CDH18: variants seen among roughly 807,000 people sequenced by gnomAD.
CDH18 encodes cadherin-18.
CDH18 carries 31 observed loss-of-function variants against 67.9 expected under a neutral mutation model. That is an observed-to-expected ratio of 0.46 (90% CI 0.34 to 0.62). The LOEUF is 0.62. Among genes scored for constraint, CDH18 ranks in the 20% least tolerant of loss-of-function variants. The pLI is 0.01. For synonymous variants in CDH18, 362 were observed against 347.2 expected (o/e 1.04, Z -0.48); for missense variants, 890 against 975.5 (o/e 0.91, Z 1.17).
At chr5:20,439,674 A>T (rs1184422400) in intron 1 of CDH18, among the ~76,000 whole-genome samples, 1 of 151,708 alleles carries the variant, frequency 6.6e-6, no homozygotes, top group African/African-American at 2.4e-5. Context: ...GCCCAATCGA[A>T]ACACTGTTAA....
intron 1 of CDH18, among the ~76,000 whole-genome samples, chr5:20,267,039 A>G (rs1026218202): frequency 3.9e-5 from 6 of 152,174 alleles, no homozygotes; most frequent in African/African-American, 1.4e-4. Context: ...AAGATCAGAT[A>G]TAGATTTGGA....
chr5:20,531,533 A>T (rs1468258802), intron 1 of CDH18, among the ~76,000 whole-genome samples: 1 of 152,108 alleles, frequency 6.6e-6, no homozygotes, highest in Non-Finnish European at 1.5e-5. Context: ...CATGATACAT[A>T]TACACCATGG....
chr5:20,451,020 A>G (rs1189392192), intron 1 of CDH18, among the ~76,000 whole-genome samples: 4 of 152,156 alleles, frequency 2.6e-5, no homozygotes, highest in Non-Finnish European at 5.9e-5. Context: ...CTGCCCTATA[A>G]TTCAATTACC....
intron 9 of CDH18, among the ~76,000 whole-genome samples, chr5:19,523,682 T>C (rs1747291379): frequency 6.6e-6 from 1 of 152,126 alleles, no homozygotes; most frequent in Admixed American, 6.6e-5. Flanking sequence ...TTTCTCCAAA[T>C]GCTGGATTGA....
intron 1 of CDH18, among the ~76,000 whole-genome samples, chr5:20,498,106 T>G (rs570369024): frequency 2.4e-4 from 37 of 152,260 alleles, no homozygotes; most frequent in African/African-American, 8.9e-4. Flanking sequence ...AAAAATATTT[T>G]TTGGTTGTTT....
chr5:19,483,655 C>T (rs560172104), intron 11 of CDH18, 103 bp from the exon 12 acceptor site: 3 of 1,254,244 alleles, frequency 2.4e-6, no homozygotes, highest in Non-Finnish European at 3.3e-6. Context: ...TTTCTTGTTT[C>T]AGTTTATGAA....
At position 20,451,614 on chromosome 5, in the gene CDH18, G is replaced by C. The variant is rs565422108; in HGVS notation, c.-580+123848C>G. On this transcript the variant is annotated intron_variant, in intron 1 of 14. Transcript: ENST00000507958. The stretch of plus-strand genomic sequence containing the variant: ...AAGGAATAGTGATTTCCCTCATTAA[G>C]TGTTGGCAAGAATATGGTCTAAAAA... 5.3e-5 allele frequency among the ~76,000 whole-genome samples: 8 copies of C among 152,254 alleles called. No homozygotes were observed. In the South Asian group the frequency reaches 1.5e-3, roughly 28 times the overall value.
intron 6 of CDH18, among the ~76,000 whole-genome samples, chr5:19,609,842 C>A (rs2150100280): frequency 6.6e-6 from 1 of 152,044 alleles, no homozygotes; most frequent in South Asian, 2.1e-4. Flanking sequence ...AGGATATGAA[C>A]TTTATAGAAT....
intron 1 of CDH18, among the ~76,000 whole-genome samples, chr5:20,412,584 T>G (rs953417006): frequency 1.3e-5 from 2 of 152,196 alleles, no homozygotes; most frequent in Admixed American, 6.5e-5. Context: ...AAGAAATATT[T>G]GATAACTATG....
chr5:19,986,410 T>C (rs1184770054), intron 1 of CDH18, among the ~76,000 whole-genome samples: 1 of 152,232 alleles, frequency 6.6e-6, no homozygotes, highest in Non-Finnish European at 1.5e-5. Flanking sequence ...TTCTGTTGCA[T>C]GTATAATAGC....
chr5:19,637,126 TTCTTTC>T (rs1055180682), intron 5 of CDH18, among the ~76,000 whole-genome samples: 1 of 151,900 alleles, frequency 6.6e-6, no homozygotes, highest in African/African-American at 2.4e-5. Context: ...GTTTTCCTTT[TTCTTTC>T]TCTTTCTTTC....
chr5:19,758,466 G>A (rs185092482), intron 3 of CDH18, among the ~76,000 whole-genome samples: 13 of 152,324 alleles, frequency 8.5e-5, no homozygotes, highest in East Asian at 1.9e-4. Flanking sequence ...CTCAAGCACC[G>A]TTGGATCTAC....
chr5:19,547,855 AAC>A (rs1433427409), intron 8 of CDH18, among the ~76,000 whole-genome samples: 1 of 152,188 alleles, frequency 6.6e-6, no homozygotes, highest in Non-Finnish European at 1.5e-5. Context: ...ACTCAAGTAG[AAC>A]TAAATAGTTC....
intron 2 of CDH18, among the ~76,000 whole-genome samples, chr5:19,925,035 T>A (rs1406932172): frequency 6.6e-6 from 1 of 152,200 alleles, no homozygotes; most frequent in African/African-American, 2.4e-5. Context: ...ACCAGTAGCA[T>A]AAACAGTCAG....
At chr5:19,595,137 A>G (rs80176831) in intron 6 of CDH18, among the ~76,000 whole-genome samples, 32 of 152,328 alleles carry the variant, frequency 2.1e-4, no homozygotes, top group South Asian at 1.0e-3. Flanking sequence ...ATCTATACAC[A>G]CTAATAAAAA....
intron 2 of CDH18, among the ~76,000 whole-genome samples, chr5:20,092,064 C>A (rs565776825): frequency 6.6e-6 from 1 of 152,206 alleles, no homozygotes; most frequent in African/African-American, 2.4e-5. Context: ...CACGGGATTT[C>A]ATTAAGGTAA....
At chr5:20,324,376 A>T (rs192526236) in intron 1 of CDH18, among the ~76,000 whole-genome samples, 1,715 of 152,088 alleles carry the variant, frequency 0.011, 37 homozygotes, top group African/African-American at 0.038. Context: ...CGTCTCTATT[A>T]AAAAATACAA....
chr5:20,429,991 TTTC>T (rs1580981603), intron 1 of CDH18, among the ~76,000 whole-genome samples: 1 of 152,194 alleles, frequency 6.6e-6, no homozygotes, highest in East Asian at 1.9e-4. Flanking sequence ...TTTCATATAA[TTTC>T]TTCATTTCCC....
In CDH18 at chr5:19,543,967, A is replaced by G; in HGVS notation, c.1292T>C (p.Phe431Ser). 1 of 1,595,160 alleles carries G rather than the reference A, an allele frequency of 6.3e-7. No individual in the cohort carries two copies. The highest frequency in any genetic ancestry group is 8.6e-7 in the Non-Finnish European group (1 of 1,166,624). ...GGTCCCAGTATTGGCATCAATGTTG[A>G]AAAATCTGTCGTCTTCAACATTGTA... ...INYNVEDDRF[F>S]NIDANTGTIR... Residue 431 changes from phenylalanine to serine, a missense_variant, in exon 9 of 13, where the codon TTC (phenylalanine) becomes TCC (serine). This residue lies in a region of CDH18 where 656 missense variants were observed against 668.1 expected (regional missense o/e 0.98). Transcript: ENST00000382275.
Sources: allele counts gnomAD v4.1 joint callset (sites outside exome capture counted in the v4.1 genomes callset), GRCh38; gene constraint gnomAD v4.1.1; regional missense constraint gnomAD v4.1.1; transcripts MANE v1.5; gene names NCBI Gene and HGNC (gene_info 2026-07-23, HGNC 2026-07-21).